The following FANK1 variants were observed in gnomAD, a reference collection of about 807,000 sequenced individuals.
The protein encoded by FANK1 is fibronectin type 3 and ankyrin repeat domains protein 1.
A neutral mutation model predicts 45.3 loss-of-function variants in FANK1; 44 were observed. The ratio of observed to expected loss-of-function variants is 0.97; its 90% confidence interval spans 0.76 to 1.25. FANK1 has a LOEUF of 1.25. Among genes scored for constraint, FANK1 ranks in the 50% most tolerant of loss-of-function variants. The pLI is 0.00. For synonymous variants in FANK1, 149 were observed against 152.5 expected (o/e 0.98, Z 0.17); for missense variants, 391 against 424.4 (o/e 0.92, Z 0.69).
intron 1 of FANK1, among the ~76,000 whole-genome samples, chr10:125,946,966 C>T (rs1948846069): frequency 6.8e-6 from 1 of 146,118 alleles, no homozygotes; most frequent in African/African-American, 2.6e-5. Flanking sequence ...ATTCAACATT[C>T]TTAAAGAAAA....
At chr10:125,990,425 G>A (rs1951850356) in intron 3 of FANK1, among the ~76,000 whole-genome samples, 1 of 152,312 alleles carries the variant, frequency 6.6e-6, no homozygotes, top group South Asian at 2.1e-4. Context: ...ATGGATGGAT[G>A]GGTAATGAAT....
intron 1 of FANK1, among the ~76,000 whole-genome samples, chr10:125,963,460 G>C (rs1351745046): frequency 1.3e-5 from 2 of 152,120 alleles, no homozygotes; most frequent in African/African-American, 4.8e-5. Flanking sequence ...CGTTTATTGC[G>C]GCACTATTCA....
At chr10:125,963,436 C>T (rs1950039524) in intron 1 of FANK1, among the ~76,000 whole-genome samples, 1 of 152,204 alleles carries the variant, frequency 6.6e-6, no homozygotes, top group South Asian at 2.1e-4. Flanking sequence ...GCTATACAGA[C>T]ACATGCACAG....
At chr10:125,913,187 C>T (rs1397518198) in intron 1 of FANK1, among the ~76,000 whole-genome samples, 1 of 152,204 alleles carries the variant, frequency 6.6e-6, no homozygotes, top group Non-Finnish European at 1.5e-5. Flanking sequence ...AAATGCCCAA[C>T]AGGTGATTCT....
intron 1 of FANK1, among the ~76,000 whole-genome samples, chr10:125,911,754 AACTT>A (rs1257710614): frequency 6.6e-6 from 1 of 152,220 alleles, no homozygotes; most frequent in Non-Finnish European, 1.5e-5. Context: ...TTCTTTGGAT[AACTT>A]ACTAATTATT....
intron 1 of FANK1, among the ~76,000 whole-genome samples, chr10:125,949,167 G>A (rs1312774719): frequency 6.6e-6 from 1 of 151,836 alleles, no homozygotes; most frequent in African/African-American, 2.4e-5. Flanking sequence ...ATATCATACT[G>A]AATGGGCAAA....
intron 6 of FANK1, 134 bp from the exon 7 acceptor site, chr10:126,004,750 G>T: frequency 1.2e-6 from 1 of 812,258 alleles, no homozygotes; most frequent in Non-Finnish European, 2.0e-6. Flanking sequence ...ATACGTGTAC[G>T]TTTTATATGA....
At chr10:125,996,655 T>C in intron 5 of FANK1, 31 bp downstream of exon 5, 1 of 1,598,048 alleles carries the variant, frequency 6.3e-7, no homozygotes. Context: ...AAATCTCTCT[T>C]GGGGATTTAA....
chr10:125,974,152 G>A (rs868689342), intron 1 of FANK1, among the ~76,000 whole-genome samples: 1 of 152,150 alleles, frequency 6.6e-6, no homozygotes, highest in Non-Finnish European at 1.5e-5. Flanking sequence ...ATTCCATCAT[G>A]CTTTCTATAA....
intron 1 of FANK1, among the ~76,000 whole-genome samples, chr10:125,956,149 T>G (rs1296607312): frequency 3.7e-5 from 5 of 133,542 alleles, no homozygotes; most frequent in Non-Finnish European, 7.8e-5. Context: ...TGCAGGTGAT[T>G]TACACACGAT....
Position 125,954,014 on chromosome 10 carries a change from C to T in FANK1, c.14-26147C>T, listed in dbSNP as rs147257965. On this transcript the variant is annotated intron_variant, in intron 1 of 10. Transcript: ENST00000368693. ...AAGTTTGGTCACCATGAGAGCACAC[C>T]GAACGAAGGAGGGAAGGGGTTTTTA... 4.8e-4 allele frequency among the ~76,000 whole-genome samples: 71 copies of T among 147,634 alleles called. No individual in the cohort carries two copies. The East Asian group carries it at 8.3e-3, about 17-fold the overall frequency.
chr10:125,989,713 C>T (rs370635711), intron 3 of FANK1, among the ~76,000 whole-genome samples: 2 of 152,176 alleles, frequency 1.3e-5, no homozygotes, highest in African/African-American at 4.8e-5. Flanking sequence ...TTCCTTCATC[C>T]GACAGTGTTG....
intron 1 of FANK1, among the ~76,000 whole-genome samples, chr10:125,898,167 C>CA (rs1164303103): frequency 1.4e-4 from 21 of 152,162 alleles, no homozygotes; most frequent in Non-Finnish European, 2.9e-4. Context: ...AGCCTGGTGA[C>CA]AGAGCGAGAC....
chr10:125,957,265 CTGT>C (rs1949639029), intron 1 of FANK1, among the ~76,000 whole-genome samples: 1 of 152,166 alleles, frequency 6.6e-6, no homozygotes, highest in African/African-American at 2.4e-5. Context: ...AGACTCTGTG[CTGT>C]TGTTATCCTC....
At chr10:125,978,946 G>C (rs2134199779) in intron 1 of FANK1, among the ~76,000 whole-genome samples, 1 of 152,326 alleles carries the variant, frequency 6.6e-6, no homozygotes, top group Admixed American at 6.5e-5. Context: ...AGTAGCTAAG[G>C]CTCCAGGGTC....
chr10:125,995,622 T>C (rs958220171), intron 4 of FANK1, 124 bp downstream of exon 4: 10 of 814,682 alleles, frequency 1.2e-5, no homozygotes, highest in Non-Finnish European at 1.9e-5. Flanking sequence ...CCAAAATGGA[T>C]CTCAGGTGAC....
chr10:125,969,117 G>A (rs1379493985), intron 1 of FANK1, among the ~76,000 whole-genome samples: 2 of 151,908 alleles, frequency 1.3e-5, no homozygotes, highest in African/African-American at 4.8e-5. Flanking sequence ...TTCATTATTT[G>A]AGAAACTTTT....
At chr10:125,942,444 A>G (rs193213481) in intron 1 of FANK1, among the ~76,000 whole-genome samples, 18 of 152,332 alleles carry the variant, frequency 1.2e-4, no homozygotes, top group Non-Finnish European at 2.9e-5. Context: ...TTAACATTTT[A>G]TAACAATTTT....
intron 1 of FANK1, among the ~76,000 whole-genome samples, chr10:125,945,448 G>C (rs938796690): frequency 6.6e-6 from 1 of 152,250 alleles, no homozygotes; most frequent in African/African-American, 2.4e-5. Flanking sequence ...GGAAGCGCAA[G>C]GGGTCAGGGA....
Sources: gnomAD v4.1 joint callset for allele counts (sites outside exome capture counted in the v4.1 genomes callset) on GRCh38, gnomAD v4.1.1 for gene constraint, MANE v1.5 for transcripts, NCBI Gene and HGNC (gene_info 2026-07-23, HGNC 2026-07-21) for gene names.